The following AK9 variants were observed in gnomAD, a reference collection of about 807,000 sequenced individuals.
AK9 encodes adenylate kinase domain containing 1.
In AK9, 191 loss-of-function variants were observed where a neutral mutation model predicts 239.6. The ratio of observed to expected loss-of-function variants is 0.80; its 90% CI spans 0.71 to 0.90. The LOEUF is 0.90. Among genes scored for constraint, AK9 ranks in the 40% least tolerant of loss-of-function variants. The pLI is 0.00. For missense variants in AK9, 1,995 were observed against 2,214.7 expected (o/e 0.90, Z 1.99); for synonymous variants, 689 against 721.0 (o/e 0.96, Z 0.71).
At chr6:109,550,448 T>C (rs989546030) in intron 24 of AK9, 146 bp from the exon 25 acceptor site, 6 of 622,268 alleles carry the variant, frequency 9.6e-6, no homozygotes, top group Non-Finnish European at 1.5e-5. Flanking sequence ...ATTATTTTAA[T>C]TAATTAAAAA....
chr6:109,509,311 A>C lies in AK9; in HGVS notation c.4349T>G (p.Leu1450Arg). Residue 1450 changes from leucine (L) to arginine (R), a missense_variant, in exon 33 of 41, where the codon CTA becomes CGA. This residue lies in a region of AK9 where 1,290 missense variants were observed against 1,392.7 expected (regional missense o/e 0.93). Transcript: ENST00000424296. ...LSIGGALRYV[L>R]NNHPETELAL... is the part of the protein sequence containing the mutation. ...CAGCTCTGTTTCCGGGTGATTGTTT[A>C]GTACATAACGCAAAGCTCCTCCTAT... The C allele has an allele frequency of 6.4e-7, 1 of 1,551,752 alleles. No individual in the cohort carries two copies. The highest frequency in any genetic ancestry group is 8.7e-7 in the Non-Finnish European group (1 of 1,146,994).
At chr6:109,667,301 G>GT (rs11365456) in intron 5 of AK9, among the ~76,000 whole-genome samples, 14 of 147,918 alleles carry the variant, frequency 9.5e-5, no homozygotes, top group African/African-American at 2.3e-4. Flanking sequence ...CACTCAAGTT[G>GT]TTTTTTTTTT....
chr6:109,609,358 C>T (rs955953642), intron 17 of AK9, among the ~76,000 whole-genome samples: 1 of 152,154 alleles, frequency 6.6e-6, no homozygotes, highest in Non-Finnish European at 1.5e-5. Context: ...CTGCCACTAG[C>T]ACATGATAAC....
intron 12 of AK9, among the ~76,000 whole-genome samples, chr6:109,625,505 G>A (rs1038313279): frequency 4.6e-5 from 7 of 152,216 alleles, no homozygotes; most frequent in Non-Finnish European, 8.8e-5. Flanking sequence ...GTCGATGAGC[G>A]TTACTGCCTG....
intron 2 of AK9, 50 bp downstream of exon 2, chr6:109,675,579 G>C: frequency 1.7e-6 from 2 of 1,163,286 alleles, no homozygotes; most frequent in Middle Eastern, 3.0e-4. Context: ...TTAGAAAATT[G>C]TGATTTTAAA....
chr6:109,529,957 A>G (rs1453025690), intron 28 of AK9, among the ~76,000 whole-genome samples: 4 of 152,138 alleles, frequency 2.6e-5, no homozygotes, highest in African/African-American at 4.8e-5. Context: ...CCATGGCCCA[A>G]GGGTTGGGAA....
chr6:109,522,121 C>T (rs1215670515), intron 29 of AK9, among the ~76,000 whole-genome samples: 2 of 151,950 alleles, frequency 1.3e-5, no homozygotes, highest in Non-Finnish European at 2.9e-5. Context: ...TTTTACTATC[C>T]AGTATTGTTA....
intron 1 of AK9, among the ~76,000 whole-genome samples, chr6:109,681,026 G>A (rs1241371934): frequency 6.6e-6 from 1 of 152,150 alleles, no homozygotes; most frequent in African/African-American, 2.4e-5. Context: ...ACACTATGAA[G>A]AAACTGCATC....
At chr6:109,626,848 G>T (rs1562513943) in intron 12 of AK9, among the ~76,000 whole-genome samples, 1 of 152,184 alleles carries the variant, frequency 6.6e-6, no homozygotes, top group Non-Finnish European at 1.5e-5. Context: ...GAGACAGTGT[G>T]TGGTGAGTGA....
At chr6:109,669,889 G>T (rs1801824757) in intron 5 of AK9, among the ~76,000 whole-genome samples, 1 of 152,160 alleles carries the variant, frequency 6.6e-6, no homozygotes, top group African/African-American at 2.4e-5. Context: ...ACCTTTAAAT[G>T]AGCTCGTTTG....
intron 29 of AK9, among the ~76,000 whole-genome samples, chr6:109,525,543 C>T (rs573105138): frequency 1.7e-3 from 256 of 152,170 alleles, no homozygotes; most frequent in African/African-American, 5.9e-3. Context: ...ACACAGCCAA[C>T]GAGCATATGA....
Position 109,664,582 on chromosome 6 carries a change from G to A in AK9, c.332-1919C>T, listed in dbSNP as rs546822378. Among the ~76,000 whole-genome samples the A allele has an allele frequency of 5.5e-4, 84 of 151,932 alleles. No homozygotes were observed. In the South Asian group the frequency reaches 0.015, roughly 27 times the overall value. On this transcript the variant is annotated intron_variant, in intron 5 of 40. Transcript: ENST00000424296. ...TGGGACTACAGGCGCATGCTACCAC[G>A]CCCGGCTAATTTTTGTATTTTCAGT...
intron 17 of AK9, among the ~76,000 whole-genome samples, chr6:109,591,460 A>T (rs9487161): frequency 0.21 from 31,569 of 152,020 alleles, 3,454 homozygotes; most frequent in South Asian, 0.34. Context: ...TGGATTTTTT[A>T]AAAAAATCCA....
chr6:109,497,253 A>G (rs2024850), intron 38 of AK9, among the ~76,000 whole-genome samples: 56,478 of 150,842 alleles, frequency 0.37, 10,608 homozygotes, highest in South Asian at 0.44. Context: ...AGTCCATCAC[A>G]TTCTGTTGTT....
intron 1 of AK9, among the ~76,000 whole-genome samples, chr6:109,686,530 A>G (rs532353452): frequency 1.3e-5 from 2 of 152,282 alleles, no homozygotes; most frequent in Admixed American, 1.3e-4. Context: ...AGCAAGAAAG[A>G]GCTCTGTAGT....
At chr6:109,592,356 A>C (rs564766054) in intron 17 of AK9, among the ~76,000 whole-genome samples, 21 of 152,272 alleles carry the variant, frequency 1.4e-4, no homozygotes, top group Admixed American at 1.1e-3. Flanking sequence ...CAAATAGGAA[A>C]AGGATTAAAG....
chr6:109,564,729 A>G, intron 22 of AK9, 27 bp downstream of exon 22: 3 of 1,481,100 alleles, frequency 2.0e-6, no homozygotes, highest in Middle Eastern at 1.7e-4. Flanking sequence ...CTTTTATGCA[A>G]GAACTACTTT....
intron 31 of AK9, 61 bp from the exon 32 acceptor site, chr6:109,514,498 A>C: frequency 7.3e-7 from 1 of 1,367,268 alleles, no homozygotes; most frequent in Admixed American, 2.7e-5. Flanking sequence ...ACTTCCCTGA[A>C]ACATATTTGA....
Position 109,576,614 on chromosome 6 carries a change from T to A in AK9, c.2191+2936A>T, listed in dbSNP as rs549387974. On this transcript the variant is annotated intron_variant, in intron 20 of 40. Coordinates refer to ENST00000424296, the MANE Select transcript of AK9 (RefSeq NM_001145128.3). Reference sequence around the variant, plus strand: ...TATTTAGAATTTTCTAGGTATATGATCATATCATCAATGAACAGCAACAGT... The same window carrying A: ...TATTTAGAATTTTCTAGGTATATGAACATATCATCAATGAACAGCAACAGT... 1.1e-4 allele frequency among the ~76,000 whole-genome samples: 16 copies of A among 152,008 alleles called. 1 individual carries two copies. The South Asian group carries it at 1.9e-3, about 18-fold the overall frequency.
Sources: gnomAD v4.1 joint callset for allele counts (sites outside exome capture counted in the v4.1 genomes callset) on GRCh38, gnomAD v4.1.1 for gene constraint, gnomAD v4.1.1 regional missense constraint, MANE v1.5 for transcripts, NCBI Gene and HGNC (gene_info 2026-07-23, HGNC 2026-07-21) for gene names.